The following SNX29 variants were observed in gnomAD, a reference collection of about 807,000 sequenced individuals.
The protein encoded by SNX29 is sorting nexin 29.
A neutral mutation model predicts 102.1 loss-of-function variants in SNX29; 78 were observed. The ratio of observed to expected loss-of-function variants is 0.76; its 90% confidence interval spans 0.64 to 0.92. The LOEUF is 0.92. SNX29 is among the 40% of genes least tolerant of loss of function. The probability of loss-of-function intolerance (pLI) is 0.00; values close to 1 mark genes in which losing one functional copy is unlikely to be tolerated. For missense variants in SNX29, 1,280 were observed against 1,061.7 expected (o/e 1.21, Z -2.86); for synonymous variants, 580 against 414.5 (o/e 1.40, Z -4.85).
chr16:12,089,683 G>A (rs2052406251), intron 11 of SNX29: 1 of 199,506 alleles, frequency 5.0e-6, no homozygotes, highest in Non-Finnish European at 1.1e-5. Flanking sequence ...GGAGGATGCT[G>A]GAGAGGGTGG....
At chr16:12,181,679 T>C (rs1480017591) in intron 13 of SNX29, among the ~76,000 whole-genome samples, 3 of 139,464 alleles carry the variant, frequency 2.2e-5, no homozygotes, top group Non-Finnish European at 4.7e-5. Flanking sequence ...TGGGGGCCTG[T>C]TGGTGATTTT....
At chr16:12,025,992 T>G (rs559833704) in intron 3 of SNX29, among the ~76,000 whole-genome samples, 2 of 152,144 alleles carry the variant, frequency 1.3e-5, no homozygotes, top group Non-Finnish European at 2.9e-5. Flanking sequence ...TATATTAAAG[T>G]GTTGATGAGA....
At chr16:12,027,559 G>A in intron 4 of SNX29, 115 bp downstream of exon 4, 4 of 1,263,274 alleles carry the variant, frequency 3.2e-6, no homozygotes, top group Non-Finnish European at 4.3e-6. Context: ...TGGTGGGGTG[G>A]TGTATGGGCA....
At chr16:12,195,092 T>C (rs998745566) in intron 13 of SNX29, among the ~76,000 whole-genome samples, 1 of 152,228 alleles carries the variant, frequency 6.6e-6, no homozygotes, top group Non-Finnish European at 1.5e-5. Flanking sequence ...TAAATAGATA[T>C]AAGGGGTTAG....
At chr16:12,337,907 C>T (rs1005065881) in intron 15 of SNX29, among the ~76,000 whole-genome samples, 3 of 152,178 alleles carry the variant, frequency 2.0e-5, no homozygotes, top group Admixed American at 6.6e-5. Context: ...GAAGTTTCTG[C>T]AGCCGAGGAA....
Position 12,252,928 on chromosome 16 carries a change from G to A in SNX29, c.1679-25005G>A, listed in dbSNP as rs150621147. On this transcript the variant is annotated intron_variant, in intron 14 of 20. Transcript: ENST00000566228. ...GCTTAACAAATTCCACTCCTTCATC[G>A]CAAGCCATCTTTTTTTGTGACCTGG... Among the ~76,000 whole-genome samples the A allele has an allele frequency of 2.7e-3, 411 of 152,326 alleles. 5 individuals are homozygous for A. The highest frequency in any genetic ancestry group is 9.0e-3 in the African/African-American group (373 of 41,576).
In SNX29 at chr16:12,527,238, A is replaced by G. The variant is rs114174994; in HGVS notation, c.2318+2397A>G. 1.4e-3 allele frequency: 738 copies of G among 533,976 alleles called. 6 individuals are homozygous for G. Among genetic ancestry groups the G allele is most frequent in the African/African-American group, 0.011 (608 of 53,834 alleles). The allele number at this position is 533,976 out of a possible 1,614,324, so 33.1% of individuals were successfully genotyped here. On this transcript the variant is annotated intron_variant, in intron 20 of 20. Transcript: ENST00000566228. ...GGTAATGATGGATCAGCCACAGCCAAGCCTTACCCGTGCTGACGAATCTCC... is the reference window on the plus strand; with the variant it reads ...GGTAATGATGGATCAGCCACAGCCAGGCCTTACCCGTGCTGACGAATCTCC...
At chr16:12,289,108 T>G (rs1270131202) in intron 15 of SNX29, among the ~76,000 whole-genome samples, 1 of 152,216 alleles carries the variant, frequency 6.6e-6, no homozygotes, top group African/African-American at 2.4e-5. Flanking sequence ...AAACAGATTC[T>G]AGCTGGCGAC....
intron 18 of SNX29, among the ~76,000 whole-genome samples, chr16:12,474,685 C>G (rs2087508544): frequency 6.6e-6 from 1 of 152,218 alleles, no homozygotes; most frequent in African/African-American, 2.4e-5. Flanking sequence ...TTCACTGATT[C>G]AAATTACGAT....
At chr16:12,558,140 C>G (rs915852432) in intron 20 of SNX29, among the ~76,000 whole-genome samples, 6 of 152,308 alleles carry the variant, frequency 3.9e-5, no homozygotes, top group African/African-American at 7.2e-5. Flanking sequence ...CAGGGATAAT[C>G]CTTTCCATCC....
Position 12,539,668 on chromosome 16 carries a change from C to G in SNX29, c.2318+14827C>G, listed in dbSNP as rs141618841. Among the ~76,000 whole-genome samples the G allele has an allele frequency of 2.3e-3, 349 of 152,264 alleles. 1 individual carries two copies. Among genetic ancestry groups the G allele is most frequent in the African/African-American group, 7.6e-3 (317 of 41,540 alleles). On this transcript the variant is annotated intron_variant, in intron 20 of 20. Transcript: ENST00000566228. Reference sequence around the variant, plus strand: ...TGCATTCCCACAGCGTATGAGGGGCCCAGTTGCTCTGCACCCTGGGCAGCA... The same window carrying G: ...TGCATTCCCACAGCGTATGAGGGGCGCAGTTGCTCTGCACCCTGGGCAGCA...
intron 10 of SNX29, among the ~76,000 whole-genome samples, chr16:12,072,728 G>A (rs2051359884): frequency 6.6e-6 from 1 of 152,064 alleles, no homozygotes; most frequent in Non-Finnish European, 1.5e-5. Context: ...GATTGGAATA[G>A]TTTCAGAAGG....
intron 20 of SNX29, among the ~76,000 whole-genome samples, chr16:12,564,991 A>G (rs1041764995): frequency 2.0e-5 from 3 of 151,630 alleles, no homozygotes; most frequent in Non-Finnish European, 4.4e-5. Context: ...GCTTCCGACT[A>G]CAGCCCATGT....
At chr16:12,470,196 G>A (rs2087267878) in intron 18 of SNX29, among the ~76,000 whole-genome samples, 1 of 152,184 alleles carries the variant, frequency 6.6e-6, no homozygotes, top group Non-Finnish European at 1.5e-5. Context: ...ATTTAGTTTT[G>A]AGATGCAGGA....
At chr16:12,101,989 T>A (rs1026482011) in intron 11 of SNX29, among the ~76,000 whole-genome samples, 1 of 152,142 alleles carries the variant, frequency 6.6e-6, no homozygotes, top group Non-Finnish European at 1.5e-5. Context: ...ATTGTTCAAC[T>A]CCCACCTATG....
At chr16:12,544,736 C>CCTCCTATT (rs1555573646) in intron 20 of SNX29, among the ~76,000 whole-genome samples, 15 of 152,278 alleles carry the variant, frequency 9.9e-5, no homozygotes, top group South Asian at 4.1e-4. Flanking sequence ...AACCTCGGCC[C>CCTCCTATT]AGAGAGGTGA....
intron 20 of SNX29, among the ~76,000 whole-genome samples, chr16:12,548,726 C>T (rs149974445): frequency 3.9e-5 from 6 of 152,252 alleles, no homozygotes; most frequent in Admixed American, 3.9e-4. Context: ...AGGGGTACAT[C>T]CAGGGCTCCA....
intron 14 of SNX29, among the ~76,000 whole-genome samples, chr16:12,250,558 T>A (rs753952098): frequency 6.6e-6 from 1 of 152,206 alleles, no homozygotes; most frequent in Non-Finnish European, 1.5e-5. Context: ...CTCCACTGGG[T>A]ACTGGCTCGA....
At chr16:12,311,249 C>G (rs934361780) in intron 15 of SNX29, among the ~76,000 whole-genome samples, 1 of 152,154 alleles carries the variant, frequency 6.6e-6, no homozygotes, top group East Asian at 1.9e-4. Flanking sequence ...TTCAGTGCCT[C>G]TCTCCCAGAG....
Sources: allele counts gnomAD v4.1 joint callset (sites outside exome capture counted in the v4.1 genomes callset), GRCh38; gene constraint gnomAD v4.1.1; transcripts MANE v1.5; gene names NCBI Gene and HGNC (gene_info 2026-07-23, HGNC 2026-07-21).